The following SDK2 variants were observed in gnomAD, a reference collection of about 807,000 sequenced individuals.
SDK2 encodes protein sidekick-2.
In SDK2, 105 loss-of-function variants were observed where a neutral mutation model predicts 253.9. That is an observed-to-expected ratio of 0.41 (90% CI 0.35 to 0.49). SDK2 has a LOEUF of 0.49. SDK2 is among the 20% of genes least tolerant of loss of function. SDK2 has a pLI of 0.06. For synonymous variants in SDK2, 1,249 were observed against 1,234.9 expected, an observed-to-expected ratio of 1.01 and a Z score of -0.24; for missense variants, 2,608 against 3,003.0, an observed-to-expected ratio of 0.87 and a Z score of 3.07.
intron 1 of SDK2, among the ~76,000 whole-genome samples, chr17:73,604,030 G>A (rs1445409107): frequency 6.6e-6 from 1 of 152,250 alleles, no homozygotes; most frequent in Non-Finnish European, 1.5e-5. Context: ...AGAACCCAGG[G>A]CCAAATGGGC....
intron 3 of SDK2, among the ~76,000 whole-genome samples, chr17:73,462,305 A>T (rs1438501652): frequency 6.6e-6 from 1 of 151,512 alleles, no homozygotes; most frequent in African/African-American, 2.4e-5. Flanking sequence ...ATGTGTGCAT[A>T]TGTGGTGGAA....
At position 73,361,554 on chromosome 17, in the gene SDK2, G is replaced by C; in HGVS notation, c.5467+130C>G. The C allele has an allele frequency of 2.2e-6, 2 of 897,306 alleles. No homozygotes were observed. Among genetic ancestry groups the C allele is most frequent in the South Asian group, 1.9e-5 (1 of 51,322 alleles). The allele number at this position is 897,306 out of a possible 1,614,324, so 55.6% of individuals were successfully genotyped here. The stretch of plus-strand genomic sequence containing the variant: ...CGGGGGGAGGGGTCACTGGGCACCA[G>C]GGGAAAGAGTGAGCTCTGTCCTCCA... On this transcript the variant is annotated intron_variant, in intron 39 of 44. Transcript: ENST00000392650. This position sits in a 1 kb window ranked among gnomAD's most constrained non-coding sequence, Gnocchi z 4.1.
At chr17:73,512,735 C>T (rs534842741) in intron 1 of SDK2, among the ~76,000 whole-genome samples, 3 of 152,254 alleles carry the variant, frequency 2.0e-5, no homozygotes, top group African/African-American at 4.8e-5. Context: ...ATAATGAAAA[C>T]AGTGCCTTCT....
intron 39 of SDK2, among the ~76,000 whole-genome samples, chr17:73,358,672 G>A (rs73343874): frequency 0.14 from 20,918 of 151,996 alleles, 3,264 homozygotes; most frequent in African/African-American, 0.38. Flanking sequence ...GGGGTTGGTC[G>A]GAGCGGGGCT....
At chr17:73,414,841 G>A in intron 17 of SDK2, 82 bp from the exon 18 acceptor site, 1 of 859,918 alleles carries the variant, frequency 1.2e-6, no homozygotes, top group Non-Finnish European at 1.9e-6. Context: ...AAACGCAGGG[G>A]TGGGGGCTAT....
intron 1 of SDK2, among the ~76,000 whole-genome samples, chr17:73,540,586 T>G (rs1872087): frequency 0.56 from 85,736 of 151,868 alleles, 24,361 homozygotes; most frequent in South Asian, 0.64. Context: ...CTGAGGATAA[T>G]GTTTATTTAT....
chr17:73,365,727 C>T (rs891034977), intron 37 of SDK2, among the ~76,000 whole-genome samples: 6 of 152,136 alleles, frequency 3.9e-5, no homozygotes, highest in East Asian at 1.9e-4. Flanking sequence ...CCGGGGTCAT[C>T]GTGGGGCAAG....
chr17:73,511,206 C>T lies in SDK2; in HGVS notation c.65-3609G>A, dbSNP rs2063977668. Among the ~76,000 whole-genome samples the T allele has an allele frequency of 6.6e-6, 1 of 152,230 alleles. No homozygotes were observed. The highest frequency in any genetic ancestry group is 6.5e-5 in the Admixed American group (1 of 15,286). On this transcript the variant is annotated intron_variant, in intron 1 of 44. Transcript: ENST00000392650. This position sits in a 1 kb window ranked among gnomAD's most constrained non-coding sequence, Gnocchi z 4.9. ...CCCTCTGTTCATTGCTGTCATCACT[C>T]GTTTGTTTTAAAACAATAACGATCC...
intron 17 of SDK2, among the ~76,000 whole-genome samples, chr17:73,415,254 C>T (rs1014318580): frequency 1.7e-4 from 26 of 151,888 alleles, no homozygotes; most frequent in African/African-American, 5.3e-4. Context: ...CCAAGGCTCT[C>T]GGGCCTGGAC....
At chr17:73,530,516 G>A (rs914669699) in intron 1 of SDK2, among the ~76,000 whole-genome samples, 1 of 152,106 alleles carries the variant, frequency 6.6e-6, no homozygotes, top group African/African-American at 2.4e-5. Context: ...TTTCAGTGGA[G>A]ACACAGAGCC....
intron 28 of SDK2, among the ~76,000 whole-genome samples, chr17:73,390,755 C>T (rs749100926): frequency 2.0e-5 from 3 of 152,174 alleles, no homozygotes; most frequent in Non-Finnish European, 2.9e-5. Context: ...AACTGAGGCC[C>T]GGAGAGGCCA....
intron 18 of SDK2, among the ~76,000 whole-genome samples, chr17:73,407,963 G>A (rs901590252): frequency 3.3e-5 from 5 of 151,886 alleles, no homozygotes; most frequent in Non-Finnish European, 7.4e-5. Context: ...GACTGTCAGT[G>A]GTTGACTTCA....
chr17:73,628,196 T>C (rs2046226418), intron 1 of SDK2, among the ~76,000 whole-genome samples: 1 of 152,226 alleles, frequency 6.6e-6, no homozygotes, highest in Non-Finnish European at 1.5e-5. Context: ...AGCCTGAGAA[T>C]ATGGCCTCCT....
At chr17:73,462,601 C>CAT (rs1030137893) in intron 3 of SDK2, among the ~76,000 whole-genome samples, 1 of 152,018 alleles carries the variant, frequency 6.6e-6, no homozygotes, top group African/African-American at 2.4e-5. Flanking sequence ...TGCATGTTTA[C>CAT]ATATATGTGC....
At chr17:73,535,674 T>C (rs1320979932) in intron 1 of SDK2, among the ~76,000 whole-genome samples, 1 of 152,178 alleles carries the variant, frequency 6.6e-6, no homozygotes, top group Non-Finnish European at 1.5e-5. Context: ...CATCATGGGC[T>C]ACGGATTGGG....
At chr17:73,407,990 C>T (rs1026551830) in intron 18 of SDK2, among the ~76,000 whole-genome samples, 23 of 150,938 alleles carry the variant, frequency 1.5e-4, no homozygotes, top group African/African-American at 3.9e-4. Flanking sequence ...GAGAGACAGC[C>T]GGACTTTGTG....
At chr17:73,602,523 C>CTT (rs1165821559) in intron 1 of SDK2, among the ~76,000 whole-genome samples, 10 of 140,138 alleles carry the variant, frequency 7.1e-5, no homozygotes, top group East Asian at 4.2e-4. Context: ...AGTCTAAGTT[C>CTT]TTTTTTTTTT....
At chr17:73,476,577 C>T (rs547317809) in intron 2 of SDK2, among the ~76,000 whole-genome samples, 1 of 152,126 alleles carries the variant, frequency 6.6e-6, no homozygotes. Context: ...GTCAGTGAGG[C>T]GTGGTGAAAT....
At chr17:73,374,270 A>G (rs2062759093) in intron 36 of SDK2, among the ~76,000 whole-genome samples, 1 of 144,498 alleles carries the variant, frequency 6.9e-6, no homozygotes, top group Non-Finnish European at 1.5e-5. Flanking sequence ...CTTGAACTCC[A>G]GACATGCATC....
Sources: gnomAD v4.1 joint callset for allele counts (sites outside exome capture counted in the v4.1 genomes callset) on GRCh38, gnomAD v4.1.1 for gene constraint, Gnocchi (gnomAD v3.1) non-coding constraint, MANE v1.5 for transcripts, NCBI Gene and HGNC (gene_info 2026-07-23, HGNC 2026-07-21) for gene names.